Variants in ANKRD17 observed in about 807,000 individuals in gnomAD.
The protein encoded by ANKRD17 is ankyrin repeat domain-containing protein 17.
ANKRD17 carries 19 observed loss-of-function variants against 229.7 expected under a neutral mutation model. The ratio of observed to expected loss-of-function variants is 0.08; its 90% CI spans 0.06 to 0.12. ANKRD17 has a LOEUF of 0.12. Ranked by LOEUF, ANKRD17 falls within the 10% of genes least tolerant of loss-of-function variation. The pLI is 1.00. For synonymous variants in ANKRD17, 1,112 were observed against 1,146.1 expected, an observed-to-expected ratio of 0.97 and a Z score of 0.60; for missense variants, 2,176 against 3,176.8, an observed-to-expected ratio of 0.68 and a Z score of 7.57.
At chr4:73,082,153 A>C in intron 30 of ANKRD17, among the ~76,000 whole-genome samples, 1 of 79,926 alleles carries the variant, frequency 1.3e-5, no homozygotes, top group East Asian at 3.6e-4. Context: ...TTATCTTTTT[A>C]TTTAAAAAAA....
intron 1 of ANKRD17, among the ~76,000 whole-genome samples, chr4:73,198,497 T>C (rs1426086413): frequency 1.3e-5 from 2 of 152,182 alleles, no homozygotes; most frequent in South Asian, 2.1e-4. Flanking sequence ...CTATATGGTA[T>C]GCTGGCAAAA....
chr4:73,155,856 C>A, intron 4 of ANKRD17, 78 bp from the exon 5 acceptor site: 1 of 1,524,398 alleles, frequency 6.6e-7, no homozygotes, highest in South Asian at 1.2e-5. Flanking sequence ...TATATAACGT[C>A]TACCTAGTCA....
At chr4:73,128,636 AAAG>A (rs1157018725) in intron 16 of ANKRD17, among the ~76,000 whole-genome samples, 1 of 152,238 alleles carries the variant, frequency 6.6e-6, no homozygotes, top group African/African-American at 2.4e-5. Flanking sequence ...TACAGGACTC[AAAG>A]AAGCTTACTG....
intron 15 of ANKRD17, among the ~76,000 whole-genome samples, chr4:73,139,244 T>G (rs888242126): frequency 6.6e-6 from 1 of 151,716 alleles, no homozygotes; most frequent in Non-Finnish European, 1.5e-5. Flanking sequence ...AGGAAAAAAA[T>G]GAAAACAAAA....
intron 18 of ANKRD17, among the ~76,000 whole-genome samples, chr4:73,123,753 G>A (rs1727066342): frequency 1.3e-5 from 2 of 151,534 alleles, no homozygotes; most frequent in South Asian, 4.2e-4. Context: ...AAAATCTAGT[G>A]GGTTTAACTA....
chr4:73,113,866 G>A lies in ANKRD17; in HGVS notation c.4327C>T (p.Gln1443Ter). The A allele has an allele frequency of 6.2e-7, 1 of 1,613,080 alleles. No homozygotes were observed. Among genetic ancestry groups the A allele is most frequent in the Non-Finnish European group, 8.5e-7 (1 of 1,179,476 alleles). Residue 1443 changes from glutamine to a stop codon, truncating the protein, a stop_gained, in exon 24 of 34, where the codon CAA becomes TAA. Coordinates refer to ENST00000358602, the MANE Select transcript of ANKRD17 (RefSeq NM_032217.5). LOFTEE classifies it high-confidence loss of function. ...KCHLCMESIVQAKDRQAAEAN... is the reference protein window; with the variant it reads ...KCHLCMESIV The stretch of plus-strand genomic sequence containing the variant: ...TCAGCAGCCTGTCTATCTTTGGCTT[G>A]TACTATTGACTCCATACAAAGATGA...
intron 7 of ANKRD17, among the ~76,000 whole-genome samples, chr4:73,151,001 T>C (rs563964211): frequency 9.2e-5 from 14 of 152,336 alleles, no homozygotes; most frequent in Admixed American, 2.6e-4. Flanking sequence ...GTACATACTC[T>C]GAATTATATT....
chr4:73,100,201 C>A (rs952181146), intron 25 of ANKRD17, among the ~76,000 whole-genome samples: 3 of 152,180 alleles, frequency 2.0e-5, no homozygotes. Flanking sequence ...CCTGTTCTGG[C>A]CACGATCCCC....
chr4:73,214,384 C>T (rs778154742), intron 1 of ANKRD17, among the ~76,000 whole-genome samples: 1 of 152,174 alleles, frequency 6.6e-6, no homozygotes, highest in African/African-American at 2.4e-5. Context: ...TACTGTAAAA[C>T]AGCAGTTGTG....
At chr4:73,132,935 A>C (rs1290113186) in intron 16 of ANKRD17, among the ~76,000 whole-genome samples, 4 of 152,150 alleles carry the variant, frequency 2.6e-5, no homozygotes, top group African/African-American at 7.2e-5. Flanking sequence ...AAAAATCAGA[A>C]AACTACCTCT....
chr4:73,118,984 T>C (rs1311560219), intron 21 of ANKRD17, 134 bp from the exon 22 acceptor site: 1 of 861,290 alleles, frequency 1.2e-6, no homozygotes, highest in African/African-American at 1.9e-5. Flanking sequence ...CCTCCAGGGG[T>C]CATATGATTC....
chr4:73,258,697 G>A lies in ANKRD17; in HGVS notation c.-29C>T. 5.6e-6 allele frequency: 8 copies of A among 1,434,944 alleles called. No homozygotes were observed. Among genetic ancestry groups the A allele is most frequent in the Non-Finnish European group, 7.2e-6 (8 of 1,105,742 alleles). 88.9% of individuals were successfully genotyped at this position (1,434,944 alleles called of 1,614,324 possible). A position where few individuals can be genotyped will look rare whatever the true frequency, so the allele number is the denominator to read the frequency against. ...CAGGGAAAGAGGGAGGGCGCGGACGGGGGAGGGGCGTGGGGCTACGCTCTA... is the reference window on the plus strand; with the variant it reads ...CAGGGAAAGAGGGAGGGCGCGGACGAGGGAGGGGCGTGGGGCTACGCTCTA... On this transcript the variant is annotated 5_prime_UTR_variant, in exon 1 of 34. Transcript: ENST00000358602.
chr4:73,246,008 C>T (rs1744466158), intron 1 of ANKRD17, among the ~76,000 whole-genome samples: 2 of 152,108 alleles, frequency 1.3e-5, no homozygotes, highest in South Asian at 4.2e-4. Flanking sequence ...TAGGGGGCTA[C>T]AAAAGTTGTA....
Position 73,121,043 on chromosome 4 carries a change from C to G in ANKRD17, c.3687G>C (p.Gly1229=). The change falls in exon 20 of 34, where the codon GGG becomes GGC. Residue 1229 remains glycine, a synonymous_variant. Coordinates refer to ENST00000358602, the MANE Select transcript of ANKRD17 (RefSeq NM_032217.5). ...ACAGGAGCTTAACAGCAGCTGTATG[C>G]CCATTCATAGCTGCTAACATCAGAG... ...ISPLMLAAMN[G]HTAAVKLLLD... is the part of the protein sequence containing the mutation. 2 of 1,613,778 alleles carry G rather than the reference C, an allele frequency of 1.2e-6. No individual in the cohort carries two copies. The highest frequency in any genetic ancestry group is 1.1e-5 in the South Asian group (1 of 91,074).
intron 29 of ANKRD17, among the ~76,000 whole-genome samples, chr4:73,088,177 AT>A (rs1722399286): frequency 6.6e-6 from 1 of 152,234 alleles, no homozygotes; most frequent in Admixed American, 6.5e-5. Flanking sequence ...AAATAATCAA[AT>A]TATTTACATA....
At chr4:73,171,178 GGAGAGAGAGA>G (rs56882212) in intron 2 of ANKRD17, among the ~76,000 whole-genome samples, 470 of 104,496 alleles carry the variant, frequency 4.5e-3, no homozygotes, top group Admixed American at 6.1e-3. Context: ...CTCAGAGGGG[GGAGAGAGAGA>G]GAGAGAGAGA....
At chr4:73,237,703 G>C (rs997730606) in intron 1 of ANKRD17, among the ~76,000 whole-genome samples, 1 of 152,124 alleles carries the variant, frequency 6.6e-6, no homozygotes, top group Non-Finnish European at 1.5e-5. Flanking sequence ...TAAGCCTATA[G>C]CAGAGACGCC....
At chr4:73,247,929 T>A (rs919975915) in intron 1 of ANKRD17, among the ~76,000 whole-genome samples, 1 of 150,838 alleles carries the variant, frequency 6.6e-6, no homozygotes, top group African/African-American at 2.5e-5. Flanking sequence ...ATTCTTTAGA[T>A]CTTTTTGAGT....
rs114246175 is a variant in ANKRD17 at position 73,117,736 on chromosome 4, A to G, written c.4188+952T>C. ...TTTATCTACATATCTCCAAATGACA[A>G]AACTCAAAATTATAATCCCTGTAAC... On this transcript the variant is annotated intron_variant, in intron 22 of 33. Coordinates refer to ENST00000358602, the MANE Select transcript of ANKRD17 (RefSeq NM_032217.5). 4.6e-3 allele frequency among the ~76,000 whole-genome samples: 701 copies of G among 152,342 alleles called. 6 individuals carry two copies. Among genetic ancestry groups the G allele is most frequent in the Middle Eastern group, 0.034 (10 of 294 alleles).
Sources: gnomAD v4.1 joint callset for allele counts (sites outside exome capture counted in the v4.1 genomes callset) on GRCh38, gnomAD v4.1.1 for gene constraint, MANE v1.5 for transcripts, NCBI Gene and HGNC (gene_info 2026-07-23, HGNC 2026-07-21) for gene names.